EXOC6: variants seen among roughly 807,000 people sequenced by gnomAD.
EXOC6 encodes the protein SEC15-like 1.
EXOC6 carries 60 observed loss-of-function variants against 112.5 expected under a neutral mutation model. The ratio of observed to expected loss-of-function variants is 0.53; its 90% CI spans 0.43 to 0.66. The LOEUF is 0.66. EXOC6 is among the 30% of genes least tolerant of loss of function. The pLI is 0.00. For synonymous variants in EXOC6, 295 were observed against 308.0 expected (o/e 0.96, Z 0.44); for missense variants, 855 against 957.1 (o/e 0.89, Z 1.41).
chr10:92,850,824 T>C (rs998065638), intron 1 of EXOC6, among the ~76,000 whole-genome samples: 5 of 152,228 alleles, frequency 3.3e-5, no homozygotes, highest in African/African-American at 1.2e-4. Context: ...ATTTTATTTA[T>C]ATTGTTTTTT....
intron 9 of EXOC6, among the ~76,000 whole-genome samples, chr10:92,932,825 T>C (rs1361689532): frequency 6.6e-6 from 1 of 152,138 alleles, no homozygotes; most frequent in Non-Finnish European, 1.5e-5. Context: ...TAAAACAACA[T>C]AGAATTTTAA....
intron 13 of EXOC6, among the ~76,000 whole-genome samples, chr10:92,945,659 T>A (rs1027133237): frequency 6.6e-6 from 1 of 152,166 alleles, no homozygotes; most frequent in Non-Finnish European, 1.5e-5. Context: ...AAGTTAGTAG[T>A]TTATTGTCTT....
intron 8 of EXOC6, 90 bp from the exon 9 acceptor site, chr10:92,928,249 T>A: frequency 1.5e-6 from 1 of 648,716 alleles, no homozygotes; most frequent in Non-Finnish European, 2.7e-6. Flanking sequence ...AGTTAGAGAA[T>A]TTAAAGTGAC....
intron 18 of EXOC6, among the ~76,000 whole-genome samples, chr10:92,988,898 G>T (rs1267890654): frequency 6.6e-6 from 1 of 151,392 alleles, no homozygotes; most frequent in African/African-American, 2.4e-5. Context: ...TTGTGTCTTG[G>T]ATCTATCTTG....
upstream of EXOC6, among the ~76,000 whole-genome samples, chr10:92,833,160 A>G (rs544389882): frequency 6.6e-6 from 1 of 152,318 alleles, no homozygotes; most frequent in South Asian, 2.1e-4. Flanking sequence ...TGTATAACCC[A>G]TCAGTCTGTG....
intron 18 of EXOC6, among the ~76,000 whole-genome samples, chr10:92,988,321 A>G (rs1843091710): frequency 6.6e-6 from 1 of 152,260 alleles, no homozygotes; most frequent in Non-Finnish European, 1.5e-5. Context: ...AGAACTAACA[A>G]GTATTCTTTG....
At chr10:93,017,504 G>A (rs949023292) in intron 20 of EXOC6, among the ~76,000 whole-genome samples, 9 of 151,774 alleles carry the variant, frequency 5.9e-5, no homozygotes, top group African/African-American at 1.7e-4. Flanking sequence ...CAGGGGAATC[G>A]CTTGAACCTG....
At chr10:92,913,306 C>T (rs535260896) in intron 6 of EXOC6, among the ~76,000 whole-genome samples, 1 of 152,244 alleles carries the variant, frequency 6.6e-6, no homozygotes, top group South Asian at 2.1e-4. Context: ...GATTCTGTTT[C>T]CCCCTCTACA....
intron 20 of EXOC6, among the ~76,000 whole-genome samples, chr10:93,024,160 AT>A (rs1333458256): frequency 6.6e-6 from 1 of 152,180 alleles, no homozygotes; most frequent in African/African-American, 2.4e-5. Context: ...TCATTATTTC[AT>A]TTGATCGTAT....
intron 21 of EXOC6, among the ~76,000 whole-genome samples, chr10:93,057,265 G>A (rs1199636261): frequency 6.6e-6 from 1 of 151,924 alleles, no homozygotes; most frequent in Non-Finnish European, 1.5e-5. Context: ...CTTTCCTTTT[G>A]TATCCTGAAT....
chr10:92,953,322 A>C (rs1589901200), intron 15 of EXOC6, among the ~76,000 whole-genome samples: 1 of 151,952 alleles, frequency 6.6e-6, no homozygotes, highest in Non-Finnish European at 1.5e-5. Context: ...CAAGCAATCC[A>C]CCCACCTCAG....
intron 18 of EXOC6, among the ~76,000 whole-genome samples, chr10:92,990,846 C>T (rs1843203088): frequency 1.3e-5 from 2 of 152,034 alleles, no homozygotes; most frequent in Non-Finnish European, 2.9e-5. Context: ...CATCATAACC[C>T]GTTTCACAGA....
intron 17 of EXOC6, among the ~76,000 whole-genome samples, chr10:92,965,768 A>C (rs1842019444): frequency 6.6e-6 from 1 of 152,190 alleles, no homozygotes. Flanking sequence ...TAAAAAGAAA[A>C]TATAGTGAGC....
chr10:92,852,849 A>T (rs919056085), intron 1 of EXOC6, among the ~76,000 whole-genome samples: 2 of 152,186 alleles, frequency 1.3e-5, no homozygotes, highest in Admixed American at 6.5e-5. Flanking sequence ...TAAAATCAGG[A>T]ATGAGGTAAG....
intron 12 of EXOC6, among the ~76,000 whole-genome samples, chr10:92,939,925 C>T (rs775568174): frequency 3.3e-5 from 5 of 151,994 alleles, no homozygotes; most frequent in Admixed American, 2.6e-4. Context: ...GATTGTAGTA[C>T]GTTTGACTTT....
intron 4 of EXOC6, among the ~76,000 whole-genome samples, chr10:92,896,397 A>G (rs75967491): frequency 0.028 from 4,122 of 148,692 alleles, 153 homozygotes; most frequent in East Asian, 0.15. Context: ...GGGTTTCACT[A>G]TTTTGGCCAG....
chr10:92,954,986 G>C (rs1485152664), intron 16 of EXOC6, among the ~76,000 whole-genome samples: 1 of 152,124 alleles, frequency 6.6e-6, no homozygotes, highest in Non-Finnish European at 1.5e-5. Context: ...GAGGTCAGGA[G>C]TTTGAGACCA....
At chr10:92,943,391 T>C (rs1220292601) in intron 13 of EXOC6, among the ~76,000 whole-genome samples, 1 of 152,082 alleles carries the variant, frequency 6.6e-6, no homozygotes, top group Non-Finnish European at 1.5e-5. Context: ...ATTTTATAAA[T>C]AGTGAATTGA....
intron 6 of EXOC6, among the ~76,000 whole-genome samples, chr10:92,912,274 T>A (rs1850827733): frequency 6.6e-6 from 1 of 152,050 alleles, no homozygotes; most frequent in Non-Finnish European, 1.5e-5. Context: ...ATATTTGCTA[T>A]CTCAGATAGT....
Sources: allele counts gnomAD v4.1 joint callset (sites outside exome capture counted in the v4.1 genomes callset), GRCh38; gene constraint gnomAD v4.1.1; transcripts MANE v1.5; gene names NCBI Gene and HGNC (gene_info 2026-07-23, HGNC 2026-07-21).